Variants in MIDEAS observed in about 807,000 individuals in gnomAD.
MIDEAS encodes the protein mitotic deacetylase-associated SANT domain protein.
Under a neutral mutation model 102.7 loss-of-function variants are expected in MIDEAS, and 26 were observed. The ratio of observed to expected loss-of-function variants is 0.25; its 90% confidence interval spans 0.19 to 0.35. The LOEUF is 0.35. Ranked by LOEUF, MIDEAS falls within the 10% of genes least tolerant of loss-of-function variation. The probability of loss-of-function intolerance (pLI) is 1.00; values close to 1 mark genes in which losing one functional copy is unlikely to be tolerated. For missense variants in MIDEAS, 1,231 were observed against 1,435.6 expected (o/e 0.86, Z 2.30); for synonymous variants, 585 against 591.0 (o/e 0.99, Z 0.15).
chr14:73,769,941 T>C (rs2053628261), intron 1 of MIDEAS, among the ~76,000 whole-genome samples: 2 of 149,006 alleles, frequency 1.3e-5, no homozygotes, highest in South Asian at 2.1e-4. Context: ...TTTGCGGGTA[T>C]ATTGTAGGTG....
Position 73,739,342 on chromosome 14 carries a change from G to A in MIDEAS, c.667C>T (p.His223Tyr). The A allele has an allele frequency of 1.2e-6, 2 of 1,604,816 alleles. No homozygotes were observed. The highest frequency in any genetic ancestry group is 1.7e-6 in the Non-Finnish European group (2 of 1,174,470). Residue 223 changes from histidine (H) to tyrosine (Y), a missense_variant, in exon 2 of 13, where the codon CAC becomes TAC. His to Tyr is a moderately conservative substitution (Grantham distance 83). This residue lies in a region of MIDEAS where 758 missense variants were observed against 856.0 expected (regional missense o/e 0.89). Transcript: ENST00000423556. The part of the protein sequence containing the change: ...PLQPFQLAFG[H>Y]QVNRQVFRQG... ...CGGAAGACCTGCCGGTTCACCTGGT[G>A]GCCGAATGCCAGCTGGAAGGGTTGC...
At chr14:73,780,809 A>T (rs982455378) in intron 1 of MIDEAS, among the ~76,000 whole-genome samples, 6 of 152,192 alleles carry the variant, frequency 3.9e-5, no homozygotes, top group African/African-American at 1.4e-4. Flanking sequence ...CTGGGTAGGA[A>T]ACTTTGGGGG....
intron 5 of MIDEAS, 24 bp downstream of exon 5, chr14:73,727,434 G>A (rs550041441): frequency 5.0e-6 from 8 of 1,613,492 alleles, no homozygotes; most frequent in South Asian, 3.3e-5. Flanking sequence ...CACACCCCTC[G>A]GCCAGGGGCA....
At chr14:73,734,533 G>A (rs1455889124) in intron 3 of MIDEAS, among the ~76,000 whole-genome samples, 1 of 151,794 alleles carries the variant, frequency 6.6e-6, no homozygotes, top group Non-Finnish European at 1.5e-5. Context: ...TCAGCCTCCT[G>A]AGAAACTGGG....
chr14:73,754,367 C>T (rs1340297401), intron 1 of MIDEAS, among the ~76,000 whole-genome samples: 1 of 152,248 alleles, frequency 6.6e-6, no homozygotes, highest in Non-Finnish European at 1.5e-5. Context: ...ACAGGACTCA[C>T]TCACGCACAT....
intron 1 of MIDEAS, among the ~76,000 whole-genome samples, chr14:73,757,250 C>T (rs985882648): frequency 5.3e-5 from 6 of 112,448 alleles, no homozygotes; most frequent in Admixed American, 1.2e-4. Context: ...CCAGCCTGGG[C>T]GACAGAGAAA....
At chr14:73,784,920 C>T (rs910997846) in intron 1 of MIDEAS, among the ~76,000 whole-genome samples, 7 of 152,206 alleles carry the variant, frequency 4.6e-5, no homozygotes, top group African/African-American at 1.7e-4. Context: ...GTTTGACAAA[C>T]GGTCACTGTG....
At chr14:73,755,713 G>A (rs535358785) in intron 1 of MIDEAS, among the ~76,000 whole-genome samples, 161 of 152,280 alleles carry the variant, frequency 1.1e-3, no homozygotes, top group African/African-American at 3.7e-3. Flanking sequence ...ACATGTCTAG[G>A]GTGGAGTGGA....
intron 12 of MIDEAS, 83 bp downstream of exon 12, chr14:73,719,222 T>TCCCCCGC: frequency 6.7e-7 from 1 of 1,497,098 alleles, no homozygotes. Context: ...CTGTACCTCT[T>TCCCCCGC]CCCCCTCCCC....
chr14:73,744,516 G>A (rs894680747), intron 1 of MIDEAS, among the ~76,000 whole-genome samples: 1 of 152,144 alleles, frequency 6.6e-6, no homozygotes, highest in African/African-American at 2.4e-5. Context: ...TTATAGCCTG[G>A]GCAGGCCCCA....
chr14:73,721,210 A>G, intron 11 of MIDEAS, 87 bp downstream of exon 11: 1 of 1,243,740 alleles, frequency 8.0e-7, no homozygotes, highest in Non-Finnish European at 1.2e-6. Context: ...AATGAGGATC[A>G]CAGTCCTGCT....
At chr14:73,727,117 G>A (rs1225779568) in intron 5 of MIDEAS, 145 bp from the exon 6 acceptor site, 9 of 1,052,212 alleles carry the variant, frequency 8.6e-6, no homozygotes, top group African/African-American at 3.2e-5. Flanking sequence ...CTAGGGGCTT[G>A]GGAGGACAGC....
chr14:73,757,507 G>A (rs2053500126), intron 1 of MIDEAS, among the ~76,000 whole-genome samples: 2 of 152,154 alleles, frequency 1.3e-5, no homozygotes, highest in African/African-American at 4.8e-5. Flanking sequence ...TACATAAGGT[G>A]GAAATGAGTG....
chr14:73,774,038 A>C (rs1438716603), intron 1 of MIDEAS, among the ~76,000 whole-genome samples: 7 of 142,234 alleles, frequency 4.9e-5, no homozygotes, highest in African/African-American at 7.9e-5. Flanking sequence ...AAAAAAAAAA[A>C]GAAAAAAGAA....
rs139743521 is a variant in MIDEAS, at chr14:73,747,650, A to G, written c.-247-7395T>C. Among the ~76,000 whole-genome samples, 318 of 147,148 alleles carry G rather than the reference A, an allele frequency of 2.2e-3. 2 individuals carry two copies. Among genetic ancestry groups the G allele is most frequent in the African/African-American group, 7.5e-3 (299 of 40,118 alleles). The stretch of plus-strand genomic sequence containing the variant: ...TGGTTCTTAAACCTCAGTGTGTGCA[A>G]TAAAACCCACCCTGAGAGACTAGTT... On this transcript the variant is annotated intron_variant, in intron 1 of 12. Transcript: ENST00000423556.
chr14:73,780,756 C>A (rs925432327), intron 1 of MIDEAS, among the ~76,000 whole-genome samples: 2 of 152,190 alleles, frequency 1.3e-5, no homozygotes, highest in Admixed American at 6.5e-5. Context: ...AACCCATGTT[C>A]TGCACTTAGA....
upstream of MIDEAS, among the ~76,000 whole-genome samples, chr14:73,760,868 T>C (rs2053548496): frequency 6.6e-6 from 1 of 152,320 alleles, no homozygotes; most frequent in South Asian, 2.1e-4. The surrounding 1 kb of genome is among the most constrained non-coding windows in gnomAD (Gnocchi z 4.8). Context: ...TTTCACTCCA[T>C]ACTCACATTT....
At chr14:73,784,921 G>C (rs942404386) in intron 1 of MIDEAS, among the ~76,000 whole-genome samples, 1 of 152,178 alleles carries the variant, frequency 6.6e-6, no homozygotes, top group Admixed American at 6.5e-5. Context: ...TTTGACAAAC[G>C]GTCACTGTGC....
intron 1 of MIDEAS, among the ~76,000 whole-genome samples, chr14:73,766,500 A>G (rs1418771500): frequency 6.6e-6 from 1 of 152,020 alleles, no homozygotes; most frequent in Admixed American, 6.5e-5. Flanking sequence ...GCATCTTACA[A>G]TTGATAGCCT....
Sources: allele counts gnomAD v4.1 joint callset (sites outside exome capture counted in the v4.1 genomes callset), GRCh38; gene constraint gnomAD v4.1.1; regional missense constraint gnomAD v4.1.1; non-coding constraint Gnocchi (gnomAD v3.1); transcripts MANE v1.5; gene names NCBI Gene and HGNC (gene_info 2026-07-23, HGNC 2026-07-21).